The following THBS1 variants were observed in gnomAD, a reference collection of about 807,000 sequenced individuals.
THBS1 encodes the protein thrombospondin-1.
In THBS1, 29 loss-of-function variants were observed where a neutral mutation model predicts 126.1. That is an observed-to-expected ratio of 0.23 (90% CI 0.17 to 0.31). THBS1 has a LOEUF of 0.31. Among genes scored for constraint, THBS1 ranks in the 10% least tolerant of loss-of-function variants. THBS1 has a pLI of 1.00. For synonymous variants in THBS1, 496 were observed against 577.8 expected, an observed-to-expected ratio of 0.86 and a Z score of 2.03; for missense variants, 1,198 against 1,545.2, an observed-to-expected ratio of 0.78 and a Z score of 3.77.
chr15:39,590,931 G>A, intron 14 of THBS1: 1 of 542,822 alleles, frequency 1.8e-6, no homozygotes, highest in Non-Finnish European at 3.2e-6. Context: ...CAGTAAAATT[G>A]ACTTTGGGCA....
At chr15:39,583,455 G>A (rs1417152785) in intron 3 of THBS1, among the ~76,000 whole-genome samples, 162 bp from the exon 4 acceptor site, 6 of 152,288 alleles carry the variant, frequency 3.9e-5, no homozygotes, top group South Asian at 4.1e-4. Flanking sequence ...GTTGTTTGGC[G>A]ATTAATGTTG....
rs1179531730 is a variant in THBS1, at chr15:39,590,578, T to C, written c.2208T>C (p.Asp736=). 1 of 1,614,002 alleles carries C rather than the reference T, an allele frequency of 6.2e-7. No individual in the cohort carries two copies. Among genetic ancestry groups the C allele is most frequent in the South Asian group, 1.1e-5 (1 of 90,998 alleles). The change falls in exon 14 of 22, where the codon GAT becomes GAC. Residue 736 remains aspartate, a synonymous_variant. Coordinates refer to ENST00000260356, the MANE Select transcript of THBS1 (RefSeq NM_003246.4). ...ACTATGACAAGGATGGAATTGGTGATGCCTGTGATGATGACGATGACAATG... is the reference window on the plus strand; with the variant it reads ...ACTATGACAAGGATGGAATTGGTGACGCCTGTGATGATGACGATGACAATG... ...QEDYDKDGIG[D]ACDDDDDNDK... is the part of the protein sequence containing the mutation.
rs1055935288 is a variant in THBS1, at chr15:39,591,268, T to C, written c.2331T>C (p.Cys777=). ...RDDVGDRCDN[C]PYNHNPDQAD... ...ATGTGGGAGACCGCTGTGACAACTG[T>C]CCCTACAACCACAACCCAGATCAGG... Residue 777 remains cysteine, a synonymous_variant, in exon 15 of 22, where the codon TGT becomes TGC. Transcript: ENST00000260356. 1.9e-6 allele frequency: 3 copies of C among 1,614,194 alleles called. No individual in the cohort carries two copies. The highest frequency in any genetic ancestry group is 2.5e-6 in the Non-Finnish European group (3 of 1,180,022).
chr15:39,581,779 T>C (rs1595505600), intron 1 of THBS1, 50 bp from the exon 2 acceptor site: 1 of 1,289,640 alleles, frequency 7.8e-7, no homozygotes, highest in Non-Finnish European at 1.1e-6. Context: ...GCACCGTCCC[T>C]CCCTGCCTAG....
Position 39,589,107 on chromosome 15 carries a change from C to T in THBS1, c.1773+21C>T, listed in dbSNP as rs770052146. 9.9e-6 allele frequency: 16 copies of T among 1,612,640 alleles called. No homozygotes were observed. The highest frequency in any genetic ancestry group is 2.2e-5 in the East Asian group (1 of 44,840). On this transcript the variant is annotated intron_variant, in intron 11 of 21. Transcript: ENST00000260356. The surrounding 1 kb of genome is among the most constrained non-coding windows in gnomAD (Gnocchi z 4.7). The stretch of plus-strand genomic sequence containing the variant: ...ATGAGGTGAGGAACTGATGGGGCTC[C>T]GAGTTTCTGGATCTAGGAAAGCAGC...
intron 3 of THBS1, 149 bp downstream of exon 3, chr15:39,582,901 G>A: frequency 1.1e-6 from 1 of 893,696 alleles, no homozygotes; most frequent in Non-Finnish European, 1.6e-6. Flanking sequence ...GCTTGTGAAA[G>A]CTCACCCTGC....
In THBS1 at chr15:39,588,107, G is replaced by A; in HGVS notation, c.1360G>A (p.Gly454Ser). 1 of 1,614,232 alleles carries A rather than the reference G, an allele frequency of 6.2e-7. No homozygotes were observed. Among genetic ancestry groups the A allele is most frequent in the Non-Finnish European group, 8.5e-7 (1 of 1,180,048 alleles). ...WSSCSVTCGD[G>S]VITRIRLCNS... ...ATCTTGTTCTGTGACATGTGGTGATGGTGTGATCACAAGGATCCGGCTCTG... is the reference window on the plus strand; with the variant it reads ...ATCTTGTTCTGTGACATGTGGTGATAGTGTGATCACAAGGATCCGGCTCTG... Residue 454 changes from glycine (G) to serine (S), a missense_variant, in exon 9 of 22, where the codon GGT becomes AGT. By Grantham distance (56) the Gly-to-Ser change is moderately conservative. Around this residue, in one of 4 missense-constraint regions of THBS1, gnomAD observed 663 missense variants for 860.1 expected, o/e 0.77. Transcript: ENST00000260356.
rs1890282092 is a variant in THBS1 at position 39,589,367 on chromosome 15, A to G, written c.1926+13A>G. On this transcript the variant is annotated intron_variant, in intron 12 of 21. Coordinates refer to ENST00000260356, the MANE Select transcript of THBS1 (RefSeq NM_003246.4). The surrounding 1 kb of genome is among the most constrained non-coding windows in gnomAD (Gnocchi z 4.7). ...GGCCAACAAACAGGTACAGTCAACT[A>G]GACGAGTAAACCAGAGGACAGGAGA... 1.2e-6 allele frequency: 2 copies of G among 1,613,714 alleles called. No homozygotes were observed. The highest frequency in any genetic ancestry group is 1.7e-6 in the Non-Finnish European group (2 of 1,179,970).
rs1458540223 is a variant in THBS1, at chr15:39,589,511, C to A, written c.1926+157C>A. ...GTTTTAGAAACGTGATTAGAAAATC[C>A]ATGGTAAATCCTGCAGGGGAAAAAC... On this transcript the variant is annotated intron_variant, in intron 12 of 21. Coordinates refer to ENST00000260356, the MANE Select transcript of THBS1 (RefSeq NM_003246.4). This position sits in a 1 kb window ranked among gnomAD's most constrained non-coding sequence, Gnocchi z 4.7. Among the ~76,000 whole-genome samples, 1 of 152,098 alleles carries A rather than the reference C, an allele frequency of 6.6e-6. No homozygotes were observed. Among genetic ancestry groups the A allele is most frequent in the African/African-American group, 2.4e-5 (1 of 41,408 alleles).
chr15:39,597,280 G>GTTTT lies in THBS1; in HGVS notation c.*1929_*1932dup. 90 of 48,042 alleles carry GTTTT rather than the reference G, an allele frequency of 1.9e-3. No individual in the cohort carries two copies. Among genetic ancestry groups the GTTTT allele is most frequent in the Middle Eastern group, 0.028 (1 of 36 alleles). 3.0% of individuals were successfully genotyped at this position (48,042 alleles called of 1,614,324 possible). On this transcript the variant is annotated 3_prime_UTR_variant, in exon 22 of 22. Coordinates refer to ENST00000260356, the MANE Select transcript of THBS1 (RefSeq NM_003246.4). ...GTTGGTTTTTTCTTTTTTTTGTTTT[G>GTTTT]TTTTTTTTTTTTTTTTTTTTTGCTT...
Position 39,583,725 on chromosome 15 carries a change from G to GA in THBS1, c.703+35dup, listed in dbSNP as rs1436964328. On this transcript the variant is annotated intron_variant, in intron 4 of 21. Transcript: ENST00000260356. Reference sequence around the variant, plus strand: ...CCCCTCTATTTTTAGGGCACATAGGGAATCAGGGGGAATTCCACCAAAAAC... The same window carrying GA: ...CCCCTCTATTTTTAGGGCACATAGGGAAATCAGGGGGAATTCCACCAAAAAC... 5 of 1,590,714 alleles carry GA rather than the reference G, an allele frequency of 3.1e-6. No individual in the cohort carries two copies. The African/African-American group carries it at 6.8e-5, about 21-fold the overall frequency.
In THBS1 at chr15:39,589,298, T is replaced by C; in HGVS notation, c.1870T>C (p.Phe624Leu). 1.2e-6 allele frequency: 2 copies of C among 1,614,050 alleles called. No homozygotes were observed. Among genetic ancestry groups the C allele is most frequent in the Non-Finnish European group, 1.7e-6 (2 of 1,180,012 alleles). Residue 624 changes from phenylalanine to leucine, a missense_variant, in exon 12 of 22, where the codon TTC becomes CTC. Coordinates refer to ENST00000260356, the MANE Select transcript of THBS1 (RefSeq NM_003246.4). This position sits in a 1 kb window ranked among gnomAD's most constrained non-coding sequence, Gnocchi z 4.7. ...GYNCLPCPPR[F>L]TGSQPFGQGV... ...CAACTGCCTGCCCTGCCCCCCACGC[T>C]TCACCGGCTCACAGCCCTTCGGCCA...
intron 16 of THBS1, 81 bp downstream of exon 16, chr15:39,591,704 C>T: frequency 7.7e-7 from 1 of 1,298,720 alleles, no homozygotes; most frequent in Non-Finnish European, 1.1e-6. Flanking sequence ...ATGAGCTTAA[C>T]AAAGTTCAAA....
Position 39,588,149 on chromosome 15 carries a change from C to G in THBS1, c.1402C>G (p.Gln468Glu), listed in dbSNP as rs1890244483. Residue 468 changes from glutamine to glutamate, a missense_variant, in exon 9 of 22, where the codon CAG becomes GAG. Gln to Glu is a conservative substitution (Grantham distance 29). Coordinates refer to ENST00000260356, the MANE Select transcript of THBS1 (RefSeq NM_003246.4). ...CCGGCTCTGCAACTCTCCCAGCCCCCAGATGAACGGGAAACCCTGTGAAGG... is the reference window on the plus strand; with the variant it reads ...CCGGCTCTGCAACTCTCCCAGCCCCGAGATGAACGGGAAACCCTGTGAAGG... ...RIRLCNSPSP[Q>E]MNGKPCEGEA... is the part of the protein sequence containing the mutation. 1 of 1,614,100 alleles carries G rather than the reference C, an allele frequency of 6.2e-7. No individual in the cohort carries two copies. The highest frequency in any genetic ancestry group is 8.5e-7 in the Non-Finnish European group (1 of 1,180,058).
chr15:39,587,891 G>T, intron 8 of THBS1, 151 bp from the exon 9 acceptor site: 1 of 694,542 alleles, frequency 1.4e-6, no homozygotes, highest in East Asian at 2.7e-5. Flanking sequence ...GTTGACATTT[G>T]GGCATGTGGC....
In THBS1 at chr15:39,589,839, C is replaced by G; in HGVS notation, c.1961C>G (p.Thr654Ser). Residue 654 changes from threonine (T) to serine (S), a missense_variant, in exon 13 of 22, where the codon ACC (threonine) becomes AGC (serine). This residue lies in a region of THBS1 where 663 missense variants were observed against 860.1 expected (regional missense o/e 0.77). Coordinates refer to ENST00000260356, the MANE Select transcript of THBS1 (RefSeq NM_003246.4). This position sits in a 1 kb window ranked among gnomAD's most constrained non-coding sequence, Gnocchi z 4.7. ...CKPRNPCTDG[T>S]HDCNKNAKCN... ...CCCCGTAACCCCTGCACGGATGGGA[C>G]CCACGACTGCAACAAGAACGCCAAG... The G allele has an allele frequency of 1.2e-6, 2 of 1,613,870 alleles. No homozygotes were observed. The highest frequency in any genetic ancestry group is 1.7e-6 in the Non-Finnish European group (2 of 1,179,864).
At chr15:39,582,881 C>CAA in intron 3 of THBS1, 129 bp downstream of exon 3, 2 of 1,073,482 alleles carry the variant, frequency 1.9e-6, no homozygotes, top group Non-Finnish European at 2.6e-6. Flanking sequence ...GCATGAGCAT[C>CAA]ACCTGGAGGG....
Position 39,595,612 on chromosome 15 carries a change from G to C in THBS1, c.*243G>C. The C allele has an allele frequency of 3.2e-6, 2 of 633,828 alleles. No individual in the cohort carries two copies. The highest frequency in any genetic ancestry group is 3.2e-5 in the South Asian group (2 of 62,610). 39.3% of individuals were successfully genotyped at this position (633,828 alleles called of 1,614,324 possible). A position where few individuals can be genotyped will look rare whatever the true frequency, so the allele number is the denominator to read the frequency against. ...TCCAAGCATATAAACAATTGCTTTG[G>C]TTTCCTTTTGAAAAAGCATCTACTT... is the stretch of plus-strand genomic sequence containing the variant. On this transcript the variant is annotated 3_prime_UTR_variant, in exon 22 of 22. Transcript: ENST00000260356.
chr15:39,582,593 C>T lies in THBS1; in HGVS notation c.468C>T (p.Ile156=). Residue 156 remains isoleucine, a synonymous_variant, in exon 3 of 22, where the codon ATC becomes ATT. Coordinates refer to ENST00000260356, the MANE Select transcript of THBS1 (RefSeq NM_003246.4). ...ALLATGQWKS[I]TLFVQEDRAQ... ...TGGCAACCGGCCAGTGGAAGAGCAT[C>T]ACCCTGTTTGTGCAGGAAGACAGGG... 1 of 1,614,162 alleles carries T rather than the reference C, an allele frequency of 6.2e-7. No homozygotes were observed. The highest frequency in any genetic ancestry group is 2.2e-5 in the East Asian group (1 of 44,884).
Sources: gnomAD v4.1 joint callset for allele counts (sites outside exome capture counted in the v4.1 genomes callset) on GRCh38, gnomAD v4.1.1 for gene constraint, gnomAD v4.1.1 regional missense constraint, Gnocchi (gnomAD v3.1) non-coding constraint, MANE v1.5 for transcripts, NCBI Gene and HGNC (gene_info 2026-07-23, HGNC 2026-07-21) for gene names.